FAM200B: variants seen among roughly 807,000 people sequenced by gnomAD.
FAM200B encodes the protein protein FAM200B.
Under a neutral mutation model 33.1 loss-of-function variants are expected in FAM200B, and 32 were observed. That is an observed-to-expected ratio of 0.97 (90% CI 0.73 to 1.30). FAM200B has a LOEUF of 1.30. Among genes scored for constraint, FAM200B ranks in the 50% most tolerant of loss-of-function variants. FAM200B has a pLI of 0.00. For synonymous variants in FAM200B, 240 were observed against 264.8 expected, an observed-to-expected ratio of 0.91 and a Z score of 0.91; for missense variants, 741 against 754.0, an observed-to-expected ratio of 0.98 and a Z score of 0.20.
At chr4:15,673,448 AT>A in the FAM200B span, among the ~76,000 whole-genome samples, 1 of 152,190 alleles carries the variant, frequency 6.6e-6, no homozygotes, top group East Asian at 1.9e-4. Flanking sequence ...CTCAAAAAAA[AT>A]AAAGATAAAA....
chr4:15,637,244 G>A, the FAM200B span, among the ~76,000 whole-genome samples: 1 of 152,190 alleles, frequency 6.6e-6, no homozygotes. Flanking sequence ...TATGTTGCAG[G>A]TGAGACGACA....
At chr4:15,674,699 G>C in the FAM200B span, among the ~76,000 whole-genome samples, 1 of 151,326 alleles carries the variant, frequency 6.6e-6, no homozygotes, top group African/African-American at 2.4e-5. Context: ...GCCCAGGCTG[G>C]AGTGCAGTGA....
At chr4:15,637,883 A>C in the FAM200B span, among the ~76,000 whole-genome samples, 1 of 149,916 alleles carries the variant, frequency 6.7e-6, no homozygotes, top group Non-Finnish European at 1.5e-5. Flanking sequence ...ATAAATAATT[A>C]CTGAGGAACT....
chr4:15,681,450 T>G (rs1718262917), upstream of FAM200B: 2 of 169,712 alleles, frequency 1.2e-5, no homozygotes, highest in African/African-American at 4.8e-5. Context: ...CAGCAGTCTC[T>G]TTTCGCTCCC....
chr4:15,642,531 C>A, the FAM200B span, among the ~76,000 whole-genome samples: 1 of 152,154 alleles, frequency 6.6e-6, no homozygotes, highest in Non-Finnish European at 1.5e-5. Context: ...CCACCATGCC[C>A]AGCCTATGAA....
Position 15,687,846 on chromosome 4 carries a change from ACTG to A in FAM200B, c.870_872del (p.Cys291del). The A allele has an allele frequency of 6.4e-7, 1 of 1,551,350 alleles. No homozygotes were observed. Among genetic ancestry groups the A allele is most frequent in the Non-Finnish European group, 8.7e-7 (1 of 1,146,782 alleles). ...GGCCAATATAAATTAAACTGGAAAA[ACTG>A]TAAAGGAATTACAAGTGATGGCACA... On this transcript the variant is annotated inframe_deletion, in exon 2 of 2. Coordinates refer to ENST00000422728, the MANE Select transcript of FAM200B (RefSeq NM_001145191.2).
At chr4:15,680,851 T>TA (rs571576070), upstream of FAM200B, among the ~76,000 whole-genome samples, 31 of 149,476 alleles carry the variant, frequency 2.1e-4, no homozygotes, top group African/African-American at 5.9e-4. Flanking sequence ...AGGTAGAATT[T>TA]AAAAAAAAAC....
chr4:15,669,751 A>G, the FAM200B span, among the ~76,000 whole-genome samples: 2 of 152,116 alleles, frequency 1.3e-5, no homozygotes, highest in Admixed American at 6.5e-5. Context: ...TTTTTTTCTT[A>G]TTGAAAAGCA....
rs771657217 is a variant in FAM200B at position 15,687,441 on chromosome 4, A to G, written c.464A>G (p.Tyr155Cys). Residue 155 changes from tyrosine to cysteine, a missense_variant, in exon 2 of 2, where the codon TAT becomes TGT. Physicochemically the swap from Tyr to Cys is radical, Grantham distance 194 (BLOSUM62 -2). Coordinates refer to ENST00000422728, the MANE Select transcript of FAM200B (RefSeq NM_001145191.2). ...KALLSSYLVA[Y>C]RVAKEKIANT... ...TTATTATCATCATATTTAGTTGCATATCGTGTGGCAAAAGAGAAAATAGCT... is the reference window on the plus strand; with the variant it reads ...TTATTATCATCATATTTAGTTGCATGTCGTGTGGCAAAAGAGAAAATAGCT... The G allele has an allele frequency of 2.4e-5, 37 of 1,551,098 alleles. No homozygotes were observed. The highest frequency in any genetic ancestry group is 3.3e-4 in the Middle Eastern group (2 of 5,986).
the FAM200B span, among the ~76,000 whole-genome samples, chr4:15,673,563 C>T: frequency 1.3e-5 from 2 of 152,194 alleles, no homozygotes; most frequent in Admixed American, 1.3e-4. Flanking sequence ...AATTTTCCAG[C>T]TCCATTATAA....
chr4:15,674,745 G>A, the FAM200B span, among the ~76,000 whole-genome samples: 2 of 151,264 alleles, frequency 1.3e-5, no homozygotes, highest in South Asian at 2.1e-4. Flanking sequence ...CGCCTCCCAC[G>A]TTCACACTAT....
At chr4:15,655,430 A>C in the FAM200B span, 229 of 980,144 alleles carry the variant, frequency 2.3e-4, no homozygotes, top group Middle Eastern at 2.6e-3. Context: ...GCCGGCGGGG[A>C]CGCGGGGGCG....
At chr4:15,653,120 A>T in the FAM200B span, among the ~76,000 whole-genome samples, 1 of 152,134 alleles carries the variant, frequency 6.6e-6, no homozygotes, top group Non-Finnish European at 1.5e-5. Context: ...TTTTTTCCCT[A>T]AATCGCCTCA....
In FAM200B at chr4:15,687,861, C is replaced by A. The variant is rs1025914532; in HGVS notation, c.884C>A (p.Thr295Lys). ...KLNWKNCKGI[T>K]SDGTATMTGK... ...AACTGGAAAAACTGTAAAGGAATTA[C>A]AAGTGATGGCACAGCAACCATGACT... Residue 295 changes from threonine (T) to lysine (K), a missense_variant, in exon 2 of 2, where the codon ACA becomes AAA. Physicochemically the swap from Thr to Lys is moderately conservative, Grantham distance 78 (BLOSUM62 -1). Coordinates refer to ENST00000422728, the MANE Select transcript of FAM200B (RefSeq NM_001145191.2). 7 of 1,551,222 alleles carry A rather than the reference C, an allele frequency of 4.5e-6. No homozygotes were observed. The highest frequency in any genetic ancestry group is 6.1e-6 in the Non-Finnish European group (7 of 1,146,724).
At chr4:15,662,221 G>T in the FAM200B span, among the ~76,000 whole-genome samples, 1 of 152,136 alleles carries the variant, frequency 6.6e-6, no homozygotes, top group African/African-American at 2.4e-5. Flanking sequence ...GCTAAACGTG[G>T]TCCAGAACTG....
intron 1 of FAM200B, among the ~76,000 whole-genome samples, chr4:15,683,269 C>T (rs1391086254): frequency 6.6e-6 from 1 of 152,078 alleles, no homozygotes; most frequent in Non-Finnish European, 1.5e-5. Flanking sequence ...CTACTTCGGC[C>T]TCTTACTTAG....
the FAM200B span, among the ~76,000 whole-genome samples, chr4:15,674,387 T>C: frequency 1.3e-5 from 2 of 152,136 alleles, no homozygotes; most frequent in African/African-American, 4.8e-5. Context: ...GAACTGCACT[T>C]GAGATCCCAA....
chr4:15,687,938 G>T lies in FAM200B; in HGVS notation c.961G>T (p.Ala321Ser). 2 of 1,550,904 alleles carry T rather than the reference G, an allele frequency of 1.3e-6. No individual in the cohort carries two copies. Among genetic ancestry groups the T allele is most frequent in the African/African-American group, 1.4e-5 (1 of 73,120 alleles). The change falls in exon 2 of 2, where the codon GCT becomes TCT. Residue 321 changes from alanine to serine, a missense_variant. Coordinates refer to ENST00000422728, the MANE Select transcript of FAM200B (RefSeq NM_001145191.2). ...KKLLEVTNNG[A>S]VWNHCFIHRE... ...ATTACTAGAAGTTACTAATAATGGT[G>T]CTGTGTGGAATCATTGTTTTATACA...
chr4:15,681,775 A>C (rs1259022967), upstream of FAM200B: 1 of 152,468 alleles, frequency 6.6e-6, no homozygotes, highest in African/African-American at 2.4e-5. Context: ...TGGAATGGGG[A>C]ATTTGTGAGG....
Sources: gnomAD v4.1 joint callset for allele counts (sites outside exome capture counted in the v4.1 genomes callset) on GRCh38, gnomAD v4.1.1 for gene constraint, MANE v1.5 for transcripts, NCBI Gene and HGNC (gene_info 2026-07-23, HGNC 2026-07-21) for gene names.